Variants in SDC2 observed in about 807,000 individuals in gnomAD.
The protein encoded by SDC2 is syndecan-2.
A neutral mutation model predicts 22.2 loss-of-function variants in SDC2; 13 were observed. That is an observed-to-expected ratio of 0.59 (90% CI 0.38 to 0.93). The LOEUF is 0.93. SDC2 is among the 40% of genes least tolerant of loss of function. The pLI, the probability that SDC2 is intolerant of heterozygous loss-of-function variation, is 0.00. For synonymous variants in SDC2, 94 were observed against 92.8 expected (o/e 1.01, Z -0.07); for missense variants, 235 against 246.8 (o/e 0.95, Z 0.32).
At chr8:96,596,769 A>G (rs2130641143) in intron 2 of SDC2, among the ~76,000 whole-genome samples, 1 of 152,374 alleles carries the variant, frequency 6.6e-6, no homozygotes, top group South Asian at 2.1e-4. Flanking sequence ...TCATAAGGAC[A>G]AACGAAACAG....
Position 96,608,393 on chromosome 8 carries a change from A to G in SDC2, c.365A>G (p.Asp122Gly). The G allele has an allele frequency of 2.5e-6, 4 of 1,613,968 alleles. No homozygotes were observed. The South Asian group carries it at 4.4e-5, about 18-fold the overall frequency. ...CTCTCTGACTCAGAAAGGAAAATGG[A>G]CCCAGCCGAAGAGGATACAAATGTG... is the stretch of plus-strand genomic sequence containing the variant. ...VHLSDSERKM[D>G]PAEEDTNVYT... is the part of the protein sequence containing the mutation. Residue 122 changes from aspartate to glycine, a missense_variant, in exon 4 of 5, where the codon GAC (aspartate) becomes GGC (glycine). Asp to Gly is a moderately conservative substitution (Grantham distance 94, BLOSUM62 -1). Coordinates refer to ENST00000302190, the MANE Select transcript of SDC2 (RefSeq NM_002998.4).
chr8:96,597,010 C>A (rs1017655251), intron 2 of SDC2, among the ~76,000 whole-genome samples: 1 of 152,102 alleles, frequency 6.6e-6, no homozygotes, highest in South Asian at 2.1e-4. Flanking sequence ...AGAAATAGAT[C>A]CCCTGGTTCC....
At chr8:96,569,170 G>A (rs1814349979) in intron 1 of SDC2, among the ~76,000 whole-genome samples, 1 of 152,120 alleles carries the variant, frequency 6.6e-6, no homozygotes, top group Non-Finnish European at 1.5e-5. Context: ...AACACGTCCG[G>A]ATAATTTTTA....
intron 1 of SDC2, among the ~76,000 whole-genome samples, chr8:96,589,823 A>C (rs1482703332): frequency 6.6e-6 from 1 of 152,190 alleles, no homozygotes; most frequent in Non-Finnish European, 1.5e-5. Context: ...AATGGCTTCA[A>C]AGACACGGAC....
In SDC2 at chr8:96,588,102, CAT is replaced by C. The variant is rs753568751; in HGVS notation, c.61-5377_61-5376del. Among the ~76,000 whole-genome samples, 9 of 152,202 alleles carry C rather than the reference CAT, an allele frequency of 5.9e-5. 1 individual carries two copies. Among genetic ancestry groups the C allele is most frequent in the Non-Finnish European group, 1.3e-4 (9 of 68,036 alleles). On this transcript the variant is annotated intron_variant, in intron 1 of 4. Transcript: ENST00000302190. The stretch of plus-strand genomic sequence containing the variant: ...CGAGGCTGAATGGTCTGATGTCACT[CAT>C]GTTGTGGGGCATGACAGTGCAGCAG...
intron 1 of SDC2, among the ~76,000 whole-genome samples, chr8:96,514,932 C>G (rs1175358310): frequency 6.6e-6 from 1 of 152,120 alleles, no homozygotes; most frequent in Non-Finnish European, 1.5e-5. Flanking sequence ...AATCCCTGCT[C>G]TAGTCATGAA....
Position 96,593,576 on chromosome 8 carries a change from T to C in SDC2, c.157T>C (p.Ser53Pro). 2.5e-6 allele frequency: 4 copies of C among 1,612,028 alleles called. No homozygotes were observed. Among genetic ancestry groups the C allele is most frequent in the Non-Finnish European group, 3.4e-6 (4 of 1,178,108 alleles). The change falls in exon 2 of 5, where the codon TCT (serine) becomes CCT (proline). Residue 53 changes from serine (S) to proline (P), a missense_variant. Transcript: ENST00000302190. ...TCCTATTGATGACGATGACTACGCT[T>C]CTGCGTCTGGCTCGGGTAAGGTGGC... ...VYPIDDDDYA[S>P]ASGSGADEDV...
rs921164971 is a variant in SDC2 at position 96,532,270 on chromosome 8, G to A, written c.60+37939G>A. Among the ~76,000 whole-genome samples, 4 of 152,178 alleles carry A rather than the reference G, an allele frequency of 2.6e-5. No individual in the cohort carries two copies. The East Asian group carries it at 7.7e-4, about 29-fold the overall frequency. Reference sequence around the variant, plus strand: ...TCATTGAACAGGGAGCAGTAAGGGGGCCTCCAGGTATAAACAAGACCCACC... The same window carrying A: ...TCATTGAACAGGGAGCAGTAAGGGGACCTCCAGGTATAAACAAGACCCACC... On this transcript the variant is annotated intron_variant, in intron 1 of 4. Coordinates refer to ENST00000302190, the MANE Select transcript of SDC2 (RefSeq NM_002998.4).
Position 96,576,374 on chromosome 8 carries a change from G to GTTTTTTTTTTTTTTTTTTTTT in SDC2, c.61-17102_61-17101insTTTTTTTTTTTTTTTTTTTTT, listed in dbSNP as rs1225034584. On this transcript the variant is annotated intron_variant, in intron 1 of 4. Transcript: ENST00000302190. Reference sequence around the variant, plus strand: ...GTTCAATAATTGGTAGTTTGTTTTTGTTTTGTTTTGTTTTTTTTTACCAGA... The same window carrying GTTTTTTTTTTTTTTTTTTTTT: ...GTTCAATAATTGGTAGTTTGTTTTTGTTTTTTTTTTTTTTTTTTTTTTTTTGTTTTGTTTTTTTTTACCAGA... Among the ~76,000 whole-genome samples the GTTTTTTTTTTTTTTTTTTTTT allele has an allele frequency of 2.5e-4, 10 of 40,626 alleles. 1 individual carries two copies. The highest frequency in any genetic ancestry group is 1.3e-3 in the South Asian group (1 of 798). 26.7% of individuals were successfully genotyped at this position (40,626 alleles called of 152,430 possible).
chr8:96,505,335 G>A (rs1027099018), intron 1 of SDC2, among the ~76,000 whole-genome samples: 12 of 152,024 alleles, frequency 7.9e-5, no homozygotes, highest in African/African-American at 2.4e-4. Flanking sequence ...ACAGGGTCTC[G>A]CTCTGTCGCC....
chr8:96,517,733 A>T (rs928048770), intron 1 of SDC2, among the ~76,000 whole-genome samples: 1 of 144,474 alleles, frequency 6.9e-6, no homozygotes, highest in Non-Finnish European at 1.5e-5. Context: ...TTGTATGTAT[A>T]TATGTGTGTG....
chr8:96,591,016 C>T (rs1342971492), intron 1 of SDC2, among the ~76,000 whole-genome samples: 1 of 152,172 alleles, frequency 6.6e-6, no homozygotes, highest in Non-Finnish European at 1.5e-5. Context: ...AGTCAGTTGG[C>T]TTGTCAGACT....
At chr8:96,552,382 T>C (rs1814041643) in intron 1 of SDC2, among the ~76,000 whole-genome samples, 1 of 152,178 alleles carries the variant, frequency 6.6e-6, no homozygotes, top group Non-Finnish European at 1.5e-5. Flanking sequence ...GGTTTCAAAA[T>C]TGAGAGAGAA....
intron 2 of SDC2, among the ~76,000 whole-genome samples, chr8:96,598,683 T>G (rs1814924155): frequency 6.6e-6 from 1 of 151,636 alleles, no homozygotes; most frequent in Non-Finnish European, 1.5e-5. Context: ...ACAGAACCGG[T>G]GCCCTGGTGG....
At chr8:96,505,361 T>C (rs1357227087) in intron 1 of SDC2, among the ~76,000 whole-genome samples, 1 of 152,140 alleles carries the variant, frequency 6.6e-6, no homozygotes, top group African/African-American at 2.4e-5. Context: ...TGGAGTGCAG[T>C]GGTGCGATCT....
chr8:96,545,162 C>T (rs369629960), intron 1 of SDC2, among the ~76,000 whole-genome samples: 7 of 152,212 alleles, frequency 4.6e-5, no homozygotes, highest in African/African-American at 9.6e-5. Context: ...TTTAACTCTT[C>T]TCTGCCTAGC....
chr8:96,609,483 C>T lies in SDC2; in HGVS notation c.541C>T (p.Leu181Phe), dbSNP rs760532749. Residue 181 changes from leucine to phenylalanine, a missense_variant, in exon 5 of 5, where the codon CTT becomes TTT. Physicochemically the swap from Leu to Phe is conservative, Grantham distance 22. Coordinates refer to ENST00000302190, the MANE Select transcript of SDC2 (RefSeq NM_002998.4). ...AAAGAAGGATGAAGGAAGCTATGACCTTGGAGAACGCAAACCATCCAGTGC... is the reference window on the plus strand; with the variant it reads ...AAAGAAGGATGAAGGAAGCTATGACTTTGGAGAACGCAAACCATCCAGTGC... Reference protein sequence around the residue: ...MRKKDEGSYDLGERKPSSAAY... With the variant: ...MRKKDEGSYDFGERKPSSAAY... The T allele has an allele frequency of 6.2e-7, 1 of 1,613,354 alleles. No individual in the cohort carries two copies. The highest frequency in any genetic ancestry group is 8.5e-7 in the Non-Finnish European group (1 of 1,179,652).
chr8:96,598,763 C>A (rs1267217951), intron 2 of SDC2, among the ~76,000 whole-genome samples: 1 of 151,752 alleles, frequency 6.6e-6, no homozygotes, highest in Non-Finnish European at 1.5e-5. Flanking sequence ...CAGGAGTTTC[C>A]CAGAGGGAAA....
intron 1 of SDC2, among the ~76,000 whole-genome samples, chr8:96,511,512 GCC>G (rs1216071351): frequency 3.3e-5 from 5 of 152,192 alleles, no homozygotes; most frequent in Non-Finnish European, 7.3e-5. Context: ...GTAGAAGCCA[GCC>G]CTTAGAACGC....
Sources: allele counts gnomAD v4.1 joint callset (sites outside exome capture counted in the v4.1 genomes callset), GRCh38; gene constraint gnomAD v4.1.1; transcripts MANE v1.5; gene names NCBI Gene and HGNC (gene_info 2026-07-23, HGNC 2026-07-21).